Variants in TTR observed in about 807,000 individuals in gnomAD.
TTR encodes the protein transthyretin, also known as epididymis luminal protein 111.
A neutral mutation model predicts 13.7 loss-of-function variants in TTR; 8 were observed. The ratio of observed to expected loss-of-function variants is 0.58; its 90% CI spans 0.34 to 1.05. TTR has a LOEUF of 1.05. Among genes scored for constraint, TTR ranks in the 50% least tolerant of loss-of-function variants. TTR has a pLI of 0.02. For synonymous variants in TTR, 75 were observed against 71.7 expected (o/e 1.05, Z -0.23); for missense variants, 135 against 185.5 (o/e 0.73, Z 1.58).
At chr18:31,595,413 A>T (rs1450786639) in intron 3 of TTR, 158 bp downstream of exon 3, 1 of 1,024,914 alleles carries the variant, frequency 9.8e-7, no homozygotes, top group Non-Finnish European at 1.5e-6. Context: ...AAAATTCACA[A>T]CACTCTGAGA....
In TTR at chr18:31,594,978, C is replaced by A. The variant is rs567854533; in HGVS notation, c.201-142C>A. On this transcript the variant is annotated intron_variant, in intron 2 of 3. Coordinates refer to ENST00000237014, the MANE Select transcript of TTR (RefSeq NM_000371.4). ...CATTTAATTTCAGTTAGGAGTTTTC[C>A]CTACTTCTGACTTAGTTGAGGGGAA... 13 of 970,332 alleles carry A rather than the reference C, an allele frequency of 1.3e-5. No individual in the cohort carries two copies. In the South Asian group the frequency reaches 1.9e-4, roughly 14 times the overall value. 60.1% of individuals were successfully genotyped at this position (970,332 alleles called of 1,614,324 possible). A position where few individuals can be genotyped will look rare whatever the true frequency, so the allele number is the denominator to read the frequency against.
At position 31,598,626 on chromosome 18, in the gene TTR, G is replaced by T; in HGVS notation, c.395G>T (p.Ser132Ile). ...PRRYTIAALL[S>I]PYSYSTTAVV... ...CGCTACACCATTGCCGCCCTGCTGA[G>T]CCCCTACTCCTATTCCACCACGGCT... Residue 132 changes from serine (S) to isoleucine (I), a missense_variant, in exon 4 of 4, where the codon AGC becomes ATC. Physicochemically the swap from Ser to Ile is moderately radical, Grantham distance 142. Coordinates refer to ENST00000237014, the MANE Select transcript of TTR (RefSeq NM_000371.4). 1 of 1,614,190 alleles carries T rather than the reference G, an allele frequency of 6.2e-7. No individual in the cohort carries two copies. Among genetic ancestry groups the T allele is most frequent in the Non-Finnish European group, 8.5e-7 (1 of 1,180,036 alleles).
intron 3 of TTR, among the ~76,000 whole-genome samples, chr18:31,597,868 T>C (rs1791227): frequency 0.061 from 9,335 of 152,300 alleles, 763 homozygotes; most frequent in African/African-American, 0.18. Flanking sequence ...TTAAATGAGC[T>C]CTAGTGCATG....
Position 31,598,652 on chromosome 18 carries a change from G to A in TTR, c.421G>A (p.Val141Ile). Residue 141 changes from valine (V) to isoleucine (I), a missense_variant, in exon 4 of 4, where the codon GTC (valine) becomes ATC (isoleucine). Transcript: ENST00000237014. ...LSPYSYSTTA[V>I]VTNPKE ...CCCCTACTCCTATTCCACCACGGCT[G>A]TCGTCACCAATCCCAAGGAATGAGG... The A allele has an allele frequency of 6.2e-7, 1 of 1,614,148 alleles. No individual in the cohort carries two copies. The highest frequency in any genetic ancestry group is 8.5e-7 in the Non-Finnish European group (1 of 1,180,030).
At chr18:31,594,601 C>T (rs184736106) in intron 2 of TTR, among the ~76,000 whole-genome samples, 44 of 152,306 alleles carry the variant, frequency 2.9e-4, no homozygotes, top group African/African-American at 8.2e-4. Flanking sequence ...CGGTGGCTCA[C>T]GCCTGTAATC....
At chr18:31,594,684 C>T (rs1458803229) in intron 2 of TTR, among the ~76,000 whole-genome samples, 1 of 152,052 alleles carries the variant, frequency 6.6e-6, no homozygotes, top group African/African-American at 2.4e-5. Context: ...GCCAACATGG[C>T]AAAACTCCGT....
In TTR at chr18:31,593,034, G is replaced by T. The variant is rs761675505; in HGVS notation, c.200+8G>T. On this transcript the variant is annotated splice_region_variant and intron_variant, in intron 2 of 3. Transcript: ENST00000237014. ...GGAGCCATTTGCCTCTGGGTAAGTT[G>T]CCAAAGAACCCTCCCACAGGACTTG... The T allele has an allele frequency of 6.8e-6, 11 of 1,613,588 alleles. No individual in the cohort carries two copies. Among genetic ancestry groups the T allele is most frequent in the Non-Finnish European group, 9.3e-6 (11 of 1,179,662 alleles).
chr18:31,596,980 T>C (rs2073520145), intron 3 of TTR, among the ~76,000 whole-genome samples: 1 of 152,166 alleles, frequency 6.6e-6, no homozygotes, highest in Non-Finnish European at 1.5e-5. Context: ...GTGGTCATAG[T>C]AGATTTACCA....
chr18:31,594,319 CAAAG>C (rs2144408514), intron 2 of TTR, among the ~76,000 whole-genome samples: 1 of 152,270 alleles, frequency 6.6e-6, no homozygotes, highest in East Asian at 1.9e-4. Context: ...TTGTTGCTGG[CAAAG>C]AGTTATCAGA....
intron 2 of TTR, 29 bp downstream of exon 2, chr18:31,593,055 A>G: frequency 6.2e-7 from 1 of 1,612,836 alleles, no homozygotes; most frequent in Non-Finnish European, 8.5e-7. Flanking sequence ...CTCCCACAGG[A>G]CTTGGTTTTA....
rs577168116 is a variant in TTR, at chr18:31,595,134, C to A, written c.215C>A (p.Ser72Tyr). ...ACACCTTATAGGAAAACCAGTGAGT[C>A]TGGAGAGCTGCATGGGCTCACAACT... ...EPFASGKTSE[S>Y]GELHGLTTEE... The change falls in exon 3 of 4, where the codon TCT becomes TAT. Residue 72 changes from serine (S) to tyrosine (Y), a missense_variant. By Grantham distance (144) the Ser-to-Tyr change is moderately radical. Coordinates refer to ENST00000237014, the MANE Select transcript of TTR (RefSeq NM_000371.4). 1 of 1,614,102 alleles carries A rather than the reference C, an allele frequency of 6.2e-7. No homozygotes were observed. The highest frequency in any genetic ancestry group is 1.7e-5 in the Admixed American group (1 of 60,008).
intron 3 of TTR, among the ~76,000 whole-genome samples, chr18:31,596,768 A>G (rs1450863004): frequency 6.6e-6 from 1 of 152,240 alleles, no homozygotes; most frequent in Non-Finnish European, 1.5e-5. Flanking sequence ...ATGGAAGGGA[A>G]AGGACTGAAG....
intron 2 of TTR, 34 bp from the exon 3 acceptor site, chr18:31,595,086 T>C: frequency 6.2e-7 from 1 of 1,613,404 alleles, no homozygotes; most frequent in Non-Finnish European, 8.5e-7. Flanking sequence ...GTTTCCTCCA[T>C]GCGTAACTTA....
intron 2 of TTR, among the ~76,000 whole-genome samples, chr18:31,594,419 C>A (rs1237536614): frequency 6.6e-6 from 1 of 152,166 alleles, no homozygotes; most frequent in Non-Finnish European, 1.5e-5. Flanking sequence ...AAATGATACT[C>A]CCTGGTGGTG....
At chr18:31,593,385 T>C in intron 2 of TTR, 1 of 284,930 alleles carries the variant, frequency 3.5e-6, no homozygotes. Context: ...CAAAATCATA[T>C]ATGTGATTTT....
chr18:31,597,430 A>G (rs1289345780), intron 3 of TTR, among the ~76,000 whole-genome samples: 1 of 152,204 alleles, frequency 6.6e-6, no homozygotes, highest in Admixed American at 6.5e-5. Context: ...ACCATAAGAC[A>G]AAAGACATTT....
At chr18:31,593,459 A>G (rs1212431663) in intron 2 of TTR, 2 of 245,036 alleles carry the variant, frequency 8.2e-6, no homozygotes, top group Non-Finnish European at 1.6e-5. Context: ...TTGTCTTAGA[A>G]TTTTAGGAAA....
chr18:31,595,073 T>C, intron 2 of TTR, 47 bp from the exon 3 acceptor site: 1 of 1,611,680 alleles, frequency 6.2e-7, no homozygotes, highest in Non-Finnish European at 8.5e-7. Context: ...TGCCATGCCA[T>C]TTGTTTCCTC....
intron 2 of TTR, 117 bp downstream of exon 2, chr18:31,593,143 T>C: frequency 6.6e-7 from 1 of 1,509,276 alleles, no homozygotes; most frequent in Non-Finnish European, 9.1e-7. Flanking sequence ...TTGAAAAACG[T>C]AGGCAGAGGT....
Sources: allele counts gnomAD v4.1 joint callset (sites outside exome capture counted in the v4.1 genomes callset), GRCh38; gene constraint gnomAD v4.1.1; transcripts MANE v1.5; gene names NCBI Gene and HGNC (gene_info 2026-07-23, HGNC 2026-07-21).